Variants in CYB5RL observed in about 807,000 individuals in gnomAD.
CYB5RL encodes the protein cytochrome b5 reductase like.
CYB5RL carries 38 observed loss-of-function variants against 37.5 expected under a neutral mutation model. The ratio of observed to expected loss-of-function variants is 1.01; its 90% CI spans 0.78 to 1.33. The LOEUF (loss-of-function observed/expected upper bound fraction) is 1.33. Ranked by LOEUF, CYB5RL falls within the 40% of genes most tolerant of loss-of-function variation. CYB5RL has a pLI of 0.00. For synonymous variants in CYB5RL, 141 were observed against 151.9 expected (o/e 0.93, Z 0.53); for missense variants, 388 against 394.4 (o/e 0.98, Z 0.14).
chr1:54,188,563 G>A (rs1001069829), intron 4 of CYB5RL, among the ~76,000 whole-genome samples: 1 of 152,198 alleles, frequency 6.6e-6, no homozygotes, highest in African/African-American at 2.4e-5. Context: ...ACCACCATGA[G>A]TCACAGTAAT....
chr1:54,195,350 T>C (rs1570123342), intron 3 of CYB5RL, 69 bp downstream of exon 3: 1 of 1,447,916 alleles, frequency 6.9e-7, no homozygotes, highest in Non-Finnish European at 9.2e-7. Context: ...TTCCTAGAGG[T>C]GTGCTTTGCA....
chr1:54,190,682 G>T, intron 4 of CYB5RL, 66 bp downstream of exon 4: 1 of 1,545,332 alleles, frequency 6.5e-7, no homozygotes. Flanking sequence ...AGTTGGTCAA[G>T]GCCAGCAGCT....
chr1:54,173,771 T>G lies in CYB5RL; in HGVS notation c.*848A>C, dbSNP rs1659948223. On this transcript the variant is annotated 3_prime_UTR_variant, in exon 8 of 8. Coordinates refer to ENST00000534324, the MANE Select transcript of CYB5RL (RefSeq NM_001031672.4). Reference sequence around the variant, plus strand: ...GGGCACTGGGTTCCTGGGATAGGGGTGCCAGGTTCCTGGGGTGGGTGGACC... The same window carrying G: ...GGGCACTGGGTTCCTGGGATAGGGGGGCCAGGTTCCTGGGGTGGGTGGACC... 1 of 152,498 alleles carries G rather than the reference T, an allele frequency of 6.6e-6. No individual in the cohort carries two copies. The highest frequency in any genetic ancestry group is 6.6e-5 in the Admixed American group (1 of 15,258). The allele number at this position is 152,498 out of a possible 1,614,324, so 9.4% of individuals were successfully genotyped here. A position where few individuals can be genotyped will look rare whatever the true frequency, so the allele number is the denominator to read the frequency against.
intron 3 of CYB5RL, among the ~76,000 whole-genome samples, chr1:54,194,389 A>G (rs1049259004): frequency 6.6e-6 from 1 of 152,146 alleles, no homozygotes; most frequent in African/African-American, 2.4e-5. Flanking sequence ...AAAGAAAGGA[A>G]AAGAAAAGAT....
At position 54,170,719 on chromosome 1, in the gene CYB5RL, A is replaced by G. The variant is rs1659872395; in HGVS notation, c.*3900T>C. 2 of 209,352 alleles carry G rather than the reference A, an allele frequency of 9.6e-6. No individual in the cohort carries two copies. The highest frequency in any genetic ancestry group is 2.1e-4 in the East Asian group (2 of 9,612). The allele number at this position is 209,352 out of a possible 1,614,324, so 13.0% of individuals were successfully genotyped here. On this transcript the variant is annotated 3_prime_UTR_variant, in exon 8 of 8. Coordinates refer to ENST00000534324, the MANE Select transcript of CYB5RL (RefSeq NM_001031672.4). ...AGCCACCGCGCCCGGCCCAGTAACA[A>G]TCTTTATACACATCTCTGGTTGCAC...
intron 3 of CYB5RL, among the ~76,000 whole-genome samples, chr1:54,193,889 G>C (rs911659956): frequency 2.6e-5 from 4 of 151,510 alleles, no homozygotes; most frequent in African/African-American, 9.7e-5. Context: ...AGAATTGCTT[G>C]AACTTGGGAG....
intron 6 of CYB5RL, chr1:54,180,310 T>C (rs1453717357): frequency 5.3e-6 from 2 of 376,090 alleles, no homozygotes; most frequent in Admixed American, 3.5e-5. Flanking sequence ...CTGAATCTAT[T>C]TCCAGGCTCT....
chr1:54,184,352 G>T (rs2100467756), intron 5 of CYB5RL, 87 bp from the exon 6 acceptor site: 1 of 1,078,732 alleles, frequency 9.3e-7, no homozygotes, highest in Non-Finnish European at 1.4e-6. Flanking sequence ...AGCCCGTTCT[G>T]TATGCTAAGT....
intron 1 of CYB5RL, among the ~76,000 whole-genome samples, chr1:54,198,825 A>C (rs1202753641): frequency 6.6e-6 from 1 of 151,116 alleles, no homozygotes; most frequent in Non-Finnish European, 1.5e-5. Flanking sequence ...TTTAGAGAGG[A>C]GGTCTCACCA....
chr1:54,191,189 G>A (rs563893821), intron 3 of CYB5RL, among the ~76,000 whole-genome samples: 1 of 152,246 alleles, frequency 6.6e-6, no homozygotes, highest in South Asian at 2.1e-4. Context: ...CGACCCTCAT[G>A]CCTCATTTTA....
Position 54,173,081 on chromosome 1 carries a change from G to A in CYB5RL, c.*1538C>T, listed in dbSNP as rs1359863636. On this transcript the variant is annotated 3_prime_UTR_variant, in exon 8 of 8. Coordinates refer to ENST00000534324, the MANE Select transcript of CYB5RL (RefSeq NM_001031672.4). ...GCCTTTAACATGCTCCTGTGCCCGT[G>A]CTTCTGGAAGAAGGTCACACACAGT... 1 of 152,158 alleles carries A rather than the reference G, an allele frequency of 6.6e-6. No homozygotes were observed. The highest frequency in any genetic ancestry group is 1.5e-5 in the Non-Finnish European group (1 of 68,048). 9.4% of individuals were successfully genotyped at this position (152,158 alleles called of 1,614,324 possible).
At chr1:54,194,116 AT>A (rs1643983689) in intron 3 of CYB5RL, among the ~76,000 whole-genome samples, 1 of 151,588 alleles carries the variant, frequency 6.6e-6, no homozygotes, top group Non-Finnish European at 1.5e-5. Context: ...CACGCCTCTA[AT>A]CCCAGTACTT....
chr1:54,183,128 G>A (rs1025176384), intron 6 of CYB5RL, among the ~76,000 whole-genome samples: 1 of 152,022 alleles, frequency 6.6e-6, no homozygotes, highest in East Asian at 1.9e-4. Flanking sequence ...CCTAGTGTTT[G>A]TCACTTCATC....
At chr1:54,194,768 G>A (rs1354835112) in intron 3 of CYB5RL, among the ~76,000 whole-genome samples, 1 of 152,224 alleles carries the variant, frequency 6.6e-6, no homozygotes, top group Non-Finnish European at 1.5e-5. Flanking sequence ...TCAGATGCGG[G>A]AGACCAAGAC....
chr1:54,172,625 T>C lies in CYB5RL; in HGVS notation c.*1994A>G, dbSNP rs1659921456. ...TACCTTTTCATGACACCCATCACTT[T>C]TAGACTTACAGGTTGAATTGCTGCC... On this transcript the variant is annotated 3_prime_UTR_variant, in exon 8 of 8. Transcript: ENST00000534324. 1 of 152,330 alleles carries C rather than the reference T, an allele frequency of 6.6e-6. No individual in the cohort carries two copies. The highest frequency in any genetic ancestry group is 1.5e-5 in the Non-Finnish European group (1 of 68,144). 9.4% of individuals were successfully genotyped at this position (152,330 alleles called of 1,614,324 possible).
chr1:54,177,056 G>A (rs533865977), intron 7 of CYB5RL, among the ~76,000 whole-genome samples: 37 of 152,288 alleles, frequency 2.4e-4, no homozygotes, highest in African/African-American at 8.2e-4. Context: ...CACAGCTCAC[G>A]GGGAGGGCGG....
chr1:54,194,038 A>C (rs1280320514), intron 3 of CYB5RL, among the ~76,000 whole-genome samples: 1 of 146,856 alleles, frequency 6.8e-6, no homozygotes, highest in East Asian at 2.1e-4. Context: ...TGATAATAAT[A>C]ATAATAATAA....
intron 6 of CYB5RL, 45 bp downstream of exon 6, chr1:54,184,114 CCA>C: frequency 6.5e-7 from 1 of 1,546,682 alleles, no homozygotes; most frequent in Non-Finnish European, 8.8e-7. Flanking sequence ...AACATGAAAA[CCA>C]CAGTCAACAG....
Position 54,174,402 on chromosome 1 carries a change from AT to A in CYB5RL, c.*216del, listed in dbSNP as rs1659966809. On this transcript the variant is annotated 3_prime_UTR_variant, in exon 8 of 8. Transcript: ENST00000534324. ...CACCTCCTCAGGGCCCCTACAGCCC[AT>A]CCTCCTTCTACATAGTAGGAGGCCA... 3 of 582,550 alleles carry A rather than the reference AT, an allele frequency of 5.1e-6. No individual in the cohort carries two copies. Among genetic ancestry groups the A allele is most frequent in the Non-Finnish European group, 9.1e-6 (3 of 331,396 alleles). The allele number at this position is 582,550 out of a possible 1,614,324, so 36.1% of individuals were successfully genotyped here.
Sources: allele counts gnomAD v4.1 joint callset (sites outside exome capture counted in the v4.1 genomes callset), GRCh38; gene constraint gnomAD v4.1.1; transcripts MANE v1.5; gene names NCBI Gene and HGNC (gene_info 2026-07-23, HGNC 2026-07-21).